The following TENM3 variants were observed in gnomAD, a reference collection of about 807,000 sequenced individuals.
TENM3 encodes teneurin transmembrane protein 3.
TENM3 carries 63 observed loss-of-function variants against 255.1 expected under a neutral mutation model. That is an observed-to-expected ratio of 0.25 (90% confidence interval 0.20 to 0.30). The LOEUF (loss-of-function observed/expected upper bound fraction) is 0.30. Ranked by LOEUF, TENM3 falls within the 10% of genes least tolerant of loss-of-function variation. The pLI, the probability that TENM3 is intolerant of heterozygous loss-of-function variation, is 1.00. For synonymous variants in TENM3, 1,306 were observed against 1,322.3 expected (o/e 0.99, Z 0.27); for missense variants, 2,929 against 3,461.1 (o/e 0.85, Z 3.86).
chr4:181,450,348 T>C, the TENM3 span, among the ~76,000 whole-genome samples: 1 of 152,228 alleles, frequency 6.6e-6, no homozygotes, highest in Non-Finnish European at 1.5e-5. Context: ...ATAAGGTCAA[T>C]ATTACATACC....
chr4:182,138,830 A>G, the TENM3 span, among the ~76,000 whole-genome samples: 57,539 of 151,796 alleles, frequency 0.38, 11,484 homozygotes, highest in Non-Finnish European at 0.45. Context: ...TCGCATTATG[A>G]TTCTGAGAAA....
intron 1 of TENM3, among the ~76,000 whole-genome samples, chr4:182,313,620 A>G (rs947939725): frequency 1.3e-5 from 2 of 152,122 alleles, no homozygotes; most frequent in African/African-American, 4.8e-5. Context: ...TGCATTTTCC[A>G]GTTTCCAGAA....
At chr4:182,136,975 T>TC in the TENM3 span, among the ~76,000 whole-genome samples, 14,941 of 151,590 alleles carry the variant, frequency 0.099, 961 homozygotes, top group South Asian at 0.16. Flanking sequence ...CCAGTCAGCA[T>TC]CCCCCCCCAC....
chr4:182,090,363 C>G, the TENM3 span, among the ~76,000 whole-genome samples: 4 of 152,204 alleles, frequency 2.6e-5, no homozygotes, highest in Non-Finnish European at 5.9e-5. Flanking sequence ...AGACCAGCAG[C>G]TGCTCCATCA....
chr4:181,689,988 G>A, the TENM3 span, among the ~76,000 whole-genome samples: 9 of 152,108 alleles, frequency 5.9e-5, no homozygotes, highest in Non-Finnish European at 1.2e-4. Flanking sequence ...GGTGATGCAG[G>A]GGTGCGGTTT....
At chr4:181,724,393 C>G in the TENM3 span, among the ~76,000 whole-genome samples, 112 of 151,688 alleles carry the variant, frequency 7.4e-4, 1 homozygote, top group Non-Finnish European at 1.3e-3. Context: ...GACTAGTTCT[C>G]TAAGTATTCA....
the TENM3 span, among the ~76,000 whole-genome samples, chr4:181,978,919 G>A: frequency 1.3e-5 from 2 of 148,310 alleles, no homozygotes; most frequent in Non-Finnish European, 3.0e-5. Flanking sequence ...TGGGTAATGG[G>A]TTACAAAATT....
At chr4:182,068,187 C>A in the TENM3 span, among the ~76,000 whole-genome samples, 6 of 151,924 alleles carry the variant, frequency 3.9e-5, no homozygotes, top group Non-Finnish European at 8.8e-5. Context: ...TCCACCAAAC[C>A]CTTTGCGGAT....
At chr4:182,713,010 A>G (rs1683841259) in intron 12 of TENM3, among the ~76,000 whole-genome samples, 1 of 152,230 alleles carries the variant, frequency 6.6e-6, no homozygotes, top group African/African-American at 2.4e-5. Context: ...TCATAAACAG[A>G]TCACATTGGC....
chr4:182,071,638 T>C, the TENM3 span, among the ~76,000 whole-genome samples: 10 of 152,174 alleles, frequency 6.6e-5, no homozygotes, highest in African/African-American at 2.4e-4. Flanking sequence ...TGGGGGTACA[T>C]GTGATAATCT....
chr4:181,612,703 T>C, the TENM3 span, among the ~76,000 whole-genome samples: 2 of 152,116 alleles, frequency 1.3e-5, no homozygotes, highest in Non-Finnish European at 1.5e-5. Context: ...TGTTAAACCA[T>C]CGAATAGCAA....
chr4:181,466,205 C>T, the TENM3 span, among the ~76,000 whole-genome samples: 1 of 151,614 alleles, frequency 6.6e-6, no homozygotes, highest in Non-Finnish European at 1.5e-5. Context: ...GCAACCTCCG[C>T]CTCACTGGTT....
At chr4:181,925,156 T>G in the TENM3 span, among the ~76,000 whole-genome samples, 1 of 152,294 alleles carries the variant, frequency 6.6e-6, no homozygotes, top group Admixed American at 6.5e-5. Flanking sequence ...CATGGTTGAT[T>G]GGTTGTCAGC....
intron 13 of TENM3, among the ~76,000 whole-genome samples, chr4:182,714,470 C>CAT (rs1759003575): frequency 6.6e-6 from 1 of 152,170 alleles, no homozygotes; most frequent in African/African-American, 2.4e-5. Flanking sequence ...CAAGCTACTG[C>CAT]ATAATGTCCA....
the TENM3 span, among the ~76,000 whole-genome samples, chr4:181,496,770 A>G: frequency 1.3e-5 from 2 of 152,186 alleles, no homozygotes; most frequent in East Asian, 1.9e-4. Context: ...AAGTGTTACC[A>G]TTACTTTCAC....
chr4:182,393,521 T>C (rs1164849476), intron 3 of TENM3, among the ~76,000 whole-genome samples: 1 of 152,228 alleles, frequency 6.6e-6, no homozygotes, highest in Non-Finnish European at 1.5e-5. Context: ...ATTTATTTAA[T>C]ATATATGTGC....
At chr4:181,992,397 T>G in the TENM3 span, among the ~76,000 whole-genome samples, 13 of 152,250 alleles carry the variant, frequency 8.5e-5, no homozygotes, top group African/African-American at 2.6e-4. Context: ...ATGAATGAAT[T>G]TCTCATAATT....
intron 1 of TENM3, among the ~76,000 whole-genome samples, chr4:182,213,232 G>A (rs1755175131): frequency 1.3e-5 from 2 of 152,184 alleles, no homozygotes; most frequent in African/African-American, 4.8e-5. Flanking sequence ...TAGTCTTGTA[G>A]TTGCACCATA....
chr4:181,933,112 A>G, the TENM3 span, among the ~76,000 whole-genome samples: 1 of 152,172 alleles, frequency 6.6e-6, no homozygotes, highest in Non-Finnish European at 1.5e-5. Flanking sequence ...CTGCATACCT[A>G]TATAACAAAC....
Sources: gnomAD v4.1 joint callset for allele counts (sites outside exome capture counted in the v4.1 genomes callset) on GRCh38, gnomAD v4.1.1 for gene constraint, MANE v1.5 for transcripts, NCBI Gene and HGNC (gene_info 2026-07-23, HGNC 2026-07-21) for gene names.